Variants in DPYD observed in about 807,000 individuals in gnomAD.
DPYD encodes dihydropyrimidine dehydrogenase.
DPYD carries 109 observed loss-of-function variants against 116.2 expected under a neutral mutation model. The ratio of observed to expected loss-of-function variants is 0.94; its 90% CI spans 0.80 to 1.10. The LOEUF (loss-of-function observed/expected upper bound fraction) is 1.10, where lower values mean the gene tolerates loss of function less well. Ranked by LOEUF, DPYD falls within the 50% of genes least tolerant of loss-of-function variation. The pLI is 0.00. For synonymous variants in DPYD, 440 were observed against 432.0 expected, an observed-to-expected ratio of 1.02 and a Z score of -0.23; for missense variants, 1,302 against 1,254.5, an observed-to-expected ratio of 1.04 and a Z score of -0.57.
intron 18 of DPYD, among the ~76,000 whole-genome samples, chr1:97,298,427 A>G (rs897700973): frequency 1.3e-5 from 2 of 152,204 alleles, no homozygotes; most frequent in Non-Finnish European, 2.9e-5. Context: ...GGATGTTGAT[A>G]TGCAAAAATT....
intron 16 of DPYD, among the ~76,000 whole-genome samples, chr1:97,339,069 TA>T (rs574734299): frequency 5.6e-5 from 8 of 143,446 alleles, no homozygotes; most frequent in South Asian, 2.2e-4. Flanking sequence ...AGAGAGGAGG[TA>T]AAAAAAAAAG....
rs370357027 is a variant in DPYD, at chr1:97,159,138, G to A, written c.2622+33931C>T. On this transcript the variant is annotated intron_variant, in intron 20 of 22. Transcript: ENST00000370192. The stretch of plus-strand genomic sequence containing the variant: ...TCCAGATATTAGAATTAGAGGTCAA[G>A]GATTTTAAGTCAGTTATTATAACTG... Among the ~76,000 whole-genome samples the A allele has an allele frequency of 1.6e-4, 25 of 152,080 alleles. No homozygotes were observed. The East Asian group carries it at 1.9e-3, about 12-fold the overall frequency.
chr1:97,559,647 T>C (rs1206407652), intron 11 of DPYD, among the ~76,000 whole-genome samples: 1 of 152,204 alleles, frequency 6.6e-6, no homozygotes. Flanking sequence ...TACGGCTTTT[T>C]TTTTTCCTTG....
At chr1:97,154,242 G>A (rs573797605) in intron 20 of DPYD, among the ~76,000 whole-genome samples, 4 of 152,252 alleles carry the variant, frequency 2.6e-5, no homozygotes, top group Admixed American at 6.5e-5. Context: ...TACAGAGCCA[G>A]CCCAAATGCC....
chr1:97,801,581 T>G (rs1667847258), intron 3 of DPYD, among the ~76,000 whole-genome samples: 1 of 151,902 alleles, frequency 6.6e-6, no homozygotes, highest in East Asian at 1.9e-4. Flanking sequence ...TGCTATAAGT[T>G]GAATTCCAAT....
chr1:97,778,193 AG>A (rs750889695), intron 3 of DPYD, among the ~76,000 whole-genome samples: 1,487 of 110,354 alleles, frequency 0.013, 13 homozygotes, highest in African/African-American at 0.026. Flanking sequence ...AAAGAAAGAG[AG>A]AGAGAGAGAG....
At chr1:97,354,268 A>G (rs1462756565) in intron 16 of DPYD, among the ~76,000 whole-genome samples, 1 of 152,184 alleles carries the variant, frequency 6.6e-6, no homozygotes, top group Admixed American at 6.5e-5. Context: ...AGACCAGGCT[A>G]GACAGTGCAC....
intron 12 of DPYD, among the ~76,000 whole-genome samples, chr1:97,525,975 AAG>A (rs200142131): frequency 0.019 from 1,577 of 82,628 alleles, 12 homozygotes; most frequent in African/African-American, 0.027. Flanking sequence ...CTGGGTAATT[AAG>A]AGTGTGTGTG....
chr1:97,662,292 G>C (rs1007371728), intron 8 of DPYD, among the ~76,000 whole-genome samples: 1 of 151,540 alleles, frequency 6.6e-6, no homozygotes, highest in Non-Finnish European at 1.5e-5. Flanking sequence ...GTCAGCCACC[G>C]CACCTGGCCC....
At chr1:97,425,046 G>C (rs143272417) in intron 14 of DPYD, among the ~76,000 whole-genome samples, 59 of 152,074 alleles carry the variant, frequency 3.9e-4, no homozygotes, top group African/African-American at 1.4e-3. Context: ...AAAACCTAGG[G>C]TATATGATGA....
At chr1:97,837,733 G>T (rs1292023788) in intron 2 of DPYD, among the ~76,000 whole-genome samples, 1 of 152,054 alleles carries the variant, frequency 6.6e-6, no homozygotes, top group African/African-American at 2.4e-5. Flanking sequence ...ATATGGAAAA[G>T]ATAAACTCTG....
intron 20 of DPYD, among the ~76,000 whole-genome samples, chr1:97,190,979 T>G (rs4489611): frequency 0.027 from 4,163 of 152,094 alleles, 158 homozygotes; most frequent in African/African-American, 0.088. Flanking sequence ...TCCTATAGTA[T>G]GCGGACACTG....
intron 11 of DPYD, among the ~76,000 whole-genome samples, chr1:97,572,131 C>A (rs909330615): frequency 6.6e-6 from 1 of 151,814 alleles, no homozygotes; most frequent in African/African-American, 2.4e-5. Flanking sequence ...CTTGACTTCT[C>A]TAAATTTATA....
chr1:97,458,974 C>A (rs1676858914), intron 13 of DPYD, among the ~76,000 whole-genome samples: 1 of 152,002 alleles, frequency 6.6e-6, no homozygotes, highest in Admixed American at 6.6e-5. Flanking sequence ...AAAAAGATAT[C>A]ATAGGTGGGA....
chr1:97,459,223 A>G (rs886815836), intron 13 of DPYD, among the ~76,000 whole-genome samples: 1 of 152,146 alleles, frequency 6.6e-6, no homozygotes, highest in African/African-American at 2.4e-5. Context: ...ATATGATGAT[A>G]TATCTGGGCA....
At chr1:97,740,557 G>T in intron 3 of DPYD, 78 bp from the exon 4 acceptor site, 1 of 1,190,216 alleles carries the variant, frequency 8.4e-7, no homozygotes, top group Non-Finnish European at 1.2e-6. Context: ...CTCATTCAGA[G>T]TCCGTGTCTA....
chr1:97,333,347 C>T (rs1669117719), intron 16 of DPYD, among the ~76,000 whole-genome samples: 1 of 151,978 alleles, frequency 6.6e-6, no homozygotes, highest in African/African-American at 2.4e-5. Context: ...TAATGATGCA[C>T]ATTCGGTCTA....
chr1:97,875,661 A>G (rs1308327092), intron 2 of DPYD, among the ~76,000 whole-genome samples: 1 of 151,988 alleles, frequency 6.6e-6, no homozygotes, highest in African/African-American at 2.4e-5. Flanking sequence ...ATTTCACAGT[A>G]TATTTTTCCC....
At chr1:97,219,838 AATCGTT>A (rs1476466167) in intron 19 of DPYD, among the ~76,000 whole-genome samples, 3 of 152,028 alleles carry the variant, frequency 2.0e-5, no homozygotes, top group Admixed American at 6.5e-5. Context: ...TAACATCTAA[AATCGTT>A]ATCATGACCT....
Sources: gnomAD v4.1 joint callset for allele counts (sites outside exome capture counted in the v4.1 genomes callset) on GRCh38, gnomAD v4.1.1 for gene constraint, MANE v1.5 for transcripts, NCBI Gene and HGNC (gene_info 2026-07-23, HGNC 2026-07-21) for gene names.